Variants in CSMD1 observed in about 807,000 individuals in gnomAD.
CSMD1 encodes CUB and Sushi multiple domains 1.
Under a neutral mutation model 417.5 loss-of-function variants are expected in CSMD1, and 213 were observed. The ratio of observed to expected loss-of-function variants is 0.51; its 90% CI spans 0.46 to 0.57. The LOEUF is 0.57. CSMD1 is among the 20% of genes least tolerant of loss of function. CSMD1 has a pLI of 0.00. For missense variants in CSMD1, 6,923 were observed against 4,529.7 expected (o/e 1.53, Z -15.17); for synonymous variants, 2,862 against 1,736.8 (o/e 1.65, Z -16.11).
At chr8:4,715,557 T>TCCA (rs1039354737) in intron 1 of CSMD1, among the ~76,000 whole-genome samples, 8 of 152,102 alleles carry the variant, frequency 5.3e-5, no homozygotes, top group African/African-American at 1.9e-4. Flanking sequence ...TATCCAACGG[T>TCCA]CCACCCTGAA....
intron 5 of CSMD1, among the ~76,000 whole-genome samples, chr8:3,984,037 G>T (rs78864192): frequency 2.2e-4 from 8 of 37,040 alleles, no homozygotes; most frequent in African/African-American, 5.1e-4. Flanking sequence ...TAGAGCACAC[G>T]GCAGATCTGA....
chr8:4,217,472 C>T (rs1800753368), intron 3 of CSMD1, among the ~76,000 whole-genome samples: 1 of 151,980 alleles, frequency 6.6e-6, no homozygotes, highest in African/African-American at 2.4e-5. Flanking sequence ...GTGAATTAAA[C>T]ACAGGTAAGG....
intron 6 of CSMD1, among the ~76,000 whole-genome samples, chr8:3,742,599 C>T (rs931827083): frequency 1.2e-4 from 19 of 152,300 alleles, no homozygotes; most frequent in Admixed American, 3.9e-4. Flanking sequence ...AGTAGTGCTT[C>T]ACCCTAGGAC....
At chr8:3,382,542 T>TATAAATATATATTTAC (rs1296557219) in intron 18 of CSMD1, among the ~76,000 whole-genome samples, 1 of 110,864 alleles carries the variant, frequency 9.0e-6, no homozygotes, top group Admixed American at 1.0e-4. Context: ...TATATATTTA[T>TATAAATATATATTTAC]TATTAGCATT....
At chr8:4,521,510 T>C (rs527372444) in intron 2 of CSMD1, among the ~76,000 whole-genome samples, 100 of 152,350 alleles carry the variant, frequency 6.6e-4, no homozygotes, top group African/African-American at 2.3e-3. Flanking sequence ...GAAGATTTAA[T>C]GAATGAATGT....
intron 12 of CSMD1, among the ~76,000 whole-genome samples, chr8:3,418,272 A>G (rs374149089): frequency 1.1e-4 from 16 of 152,150 alleles, no homozygotes; most frequent in African/African-American, 3.1e-4. Context: ...AAGTAACCAC[A>G]GAAATGAACT....
At chr8:3,307,387 A>ACAGCCCAGGCAACCCAC (rs1049364884) in intron 25 of CSMD1, among the ~76,000 whole-genome samples, 1 of 147,518 alleles carries the variant, frequency 6.8e-6, no homozygotes, top group African/African-American at 2.5e-5. Context: ...GCAGATCAGA[A>ACAGCCCAGGCAACCCAC]CAGCCCAGGC....
intron 1 of CSMD1, among the ~76,000 whole-genome samples, chr8:4,924,609 C>G (rs111558018): frequency 0.013 from 2,000 of 149,890 alleles, 37 homozygotes; most frequent in African/African-American, 0.045. Context: ...GTAATCCCAG[C>G]TACTCAGGAG....
At chr8:3,304,783 G>C (rs1804696076) in intron 25 of CSMD1, among the ~76,000 whole-genome samples, 1 of 151,638 alleles carries the variant, frequency 6.6e-6, no homozygotes, top group African/African-American at 2.4e-5. Flanking sequence ...CACCTGTAAA[G>C]AGTGAATCCA....
chr8:4,234,827 A>T (rs550487591), intron 3 of CSMD1, among the ~76,000 whole-genome samples: 3 of 152,136 alleles, frequency 2.0e-5, no homozygotes, highest in African/African-American at 4.8e-5. Context: ...AGATAAGAAC[A>T]GTCTCTGCAC....
intron 5 of CSMD1, among the ~76,000 whole-genome samples, chr8:3,982,689 G>A (rs1813974581): frequency 1.3e-5 from 2 of 152,128 alleles, no homozygotes; most frequent in African/African-American, 2.4e-5. Context: ...CGGACCGGAA[G>A]CCTCATAAGA....
At chr8:4,342,933 C>T (rs374372040) in intron 3 of CSMD1, among the ~76,000 whole-genome samples, 1 of 152,072 alleles carries the variant, frequency 6.6e-6, no homozygotes, top group Non-Finnish European at 1.5e-5. Context: ...ATGCTGCACA[C>T]TGATCTGTAA....
intron 1 of CSMD1, among the ~76,000 whole-genome samples, chr8:4,884,827 G>C (rs1304644914): frequency 6.6e-6 from 1 of 151,996 alleles, no homozygotes; most frequent in East Asian, 1.9e-4. Flanking sequence ...CCCTTTTCAA[G>C]ACTACCTTGG....
chr8:3,922,350 A>G (rs1290505430), intron 5 of CSMD1, among the ~76,000 whole-genome samples: 1 of 152,104 alleles, frequency 6.6e-6, no homozygotes, highest in African/African-American at 2.4e-5. Flanking sequence ...TTTGGATTAA[A>G]AAAAAATTAA....
chr8:4,239,717 T>G (rs1204515447), intron 3 of CSMD1, among the ~76,000 whole-genome samples: 1 of 152,178 alleles, frequency 6.6e-6, no homozygotes, highest in African/African-American at 2.4e-5. Flanking sequence ...GGAAAACTGG[T>G]TGCTTTATTG....
intron 18 of CSMD1, among the ~76,000 whole-genome samples, chr8:3,376,006 T>C (rs1376446426): frequency 6.6e-6 from 1 of 152,190 alleles, no homozygotes; most frequent in Non-Finnish European, 1.5e-5. Context: ...TTTCTCCAAC[T>C]TCTTTATCCT....
intron 1 of CSMD1, among the ~76,000 whole-genome samples, chr8:4,803,183 G>T (rs1433227999): frequency 1.3e-5 from 2 of 152,066 alleles, no homozygotes; most frequent in East Asian, 1.9e-4. Context: ...TATTCTTTAA[G>T]TTGATCCTGG....
intron 2 of CSMD1, among the ~76,000 whole-genome samples, chr8:4,472,811 A>G (rs981302196): frequency 6.6e-6 from 1 of 152,028 alleles, no homozygotes; most frequent in Admixed American, 6.6e-5. Flanking sequence ...TTAGATACTT[A>G]AAAAATTTGG....
chr8:3,558,419 AATG>A (rs2116839609), intron 10 of CSMD1, among the ~76,000 whole-genome samples: 1 of 150,428 alleles, frequency 6.6e-6, no homozygotes, highest in South Asian at 2.1e-4. Flanking sequence ...ACGGTGCCTC[AATG>A]GTACCCCGTG....
Sources: allele counts gnomAD v4.1 joint callset (sites outside exome capture counted in the v4.1 genomes callset), GRCh38; gene constraint gnomAD v4.1.1; transcripts MANE v1.5; gene names NCBI Gene and HGNC (gene_info 2026-07-23, HGNC 2026-07-21).